EP400: variants seen among roughly 807,000 people sequenced by gnomAD.
The protein encoded by EP400 is E1A binding protein p400.
EP400 carries 105 observed loss-of-function variants against 354.1 expected under a neutral mutation model. The ratio of observed to expected loss-of-function variants is 0.30; its 90% confidence interval spans 0.25 to 0.35. EP400 has a LOEUF of 0.35. Ranked by LOEUF, EP400 falls within the 10% of genes least tolerant of loss-of-function variation. EP400 has a pLI of 1.00. For synonymous variants in EP400, 1,646 were observed against 1,716.9 expected, an observed-to-expected ratio of 0.96 and a Z score of 1.02; for missense variants, 3,280 against 4,121.0, an observed-to-expected ratio of 0.80 and a Z score of 5.59.
Position 132,055,476 on chromosome 12 carries a change from G to C in EP400, c.7884+268G>C, listed in dbSNP as rs536770181. ...TAGGGGTGTGTGTGTGTGTGTGTGA[G>C]GTGTAGGGGTGTGTGTGAGGTGTAG... On this transcript the variant is annotated intron_variant, in intron 45 of 52. Transcript: ENST00000389561. 7.9e-4 allele frequency among the ~76,000 whole-genome samples: 106 copies of C among 134,888 alleles called. No individual in the cohort carries two copies. The East Asian group carries it at 0.021, about 26-fold the overall frequency. The allele number at this position is 134,888 out of a possible 152,430, so 88.5% of individuals were successfully genotyped here.
chr12:132,054,178 G>A lies in EP400; in HGVS notation c.7728+581G>A, dbSNP rs1484088090. On this transcript the variant is annotated intron_variant, in intron 43 of 52. Coordinates refer to ENST00000389561, the MANE Select transcript of EP400 (RefSeq NM_015409.5). The surrounding 1 kb of genome is among the most constrained non-coding windows in gnomAD (Gnocchi z 4.0). ...CCACACAGACGCTGAAATCATATGC[G>A]CAGAATCACACCTGCAGAGAATAGG... Among the ~76,000 whole-genome samples, 5 of 152,210 alleles carry A rather than the reference G, an allele frequency of 3.3e-5. No individual in the cohort carries two copies. The highest frequency in any genetic ancestry group is 6.5e-5 in the Admixed American group (1 of 15,274).
chr12:131,961,476 C>T lies in EP400; in HGVS notation c.857C>T (p.Pro286Leu), dbSNP rs554140071. ...CAGCAGCAGCAGGTGCTGCAGGGGC[C>T]GCCGCTGCCCCGGCCCCTGGGCTTC... ...LVQQQQVLQG[P>L]PLPRPLGFER... The change falls in exon 2 of 53, where the codon CCG becomes CTG. Residue 286 changes from proline (P) to leucine (L), a missense_variant. This residue lies in a region of EP400 where 85 missense variants were observed against 180.3 expected (regional missense o/e 0.47). Transcript: ENST00000389561. The T allele has an allele frequency of 1.2e-5, 19 of 1,557,866 alleles. No homozygotes were observed. The highest frequency in any genetic ancestry group is 6.8e-5 in the African/African-American group (5 of 73,148).
intron 25 of EP400, among the ~76,000 whole-genome samples, chr12:132,026,639 C>A (rs1295911287): frequency 1.3e-5 from 2 of 152,196 alleles, no homozygotes; most frequent in Non-Finnish European, 2.9e-5. Context: ...CTGCTGCACC[C>A]TTCTTTGCGG....
intron 15 of EP400, 75 bp downstream of exon 15, chr12:132,006,952 T>C: frequency 6.5e-7 from 1 of 1,528,486 alleles, no homozygotes; most frequent in Admixed American, 1.9e-5. Flanking sequence ...TTGATGGGAG[T>C]GTGGGGACTT....
At chr12:132,002,827 C>A (rs1000748163) in intron 12 of EP400, among the ~76,000 whole-genome samples, 9 of 152,174 alleles carry the variant, frequency 5.9e-5, no homozygotes, top group African/African-American at 1.9e-4. Flanking sequence ...ATCCCATTGT[C>A]TTTATGGTGT....
At chr12:132,046,357 A>G (rs970664119) in intron 39 of EP400, among the ~76,000 whole-genome samples, 1 of 152,194 alleles carries the variant, frequency 6.6e-6, no homozygotes, top group African/African-American at 2.4e-5. Flanking sequence ...TCATATATAG[A>G]TAGACATTTT....
chr12:132,038,129 C>T lies in EP400; in HGVS notation c.6207+33C>T. 2 of 1,612,792 alleles carry T rather than the reference C, an allele frequency of 1.2e-6. No homozygotes were observed. Among genetic ancestry groups the T allele is most frequent in the Non-Finnish European group, 1.7e-6 (2 of 1,178,992 alleles). On this transcript the variant is annotated intron_variant, in intron 32 of 52. Coordinates refer to ENST00000389561, the MANE Select transcript of EP400 (RefSeq NM_015409.5). The surrounding 1 kb of genome is among the most constrained non-coding windows in gnomAD (Gnocchi z 4.2). ...TACATTGAATCTGGCTGAAGAGTTG[C>T]ACGGTGGGAGCCGGCGGAACACCTG...
intron 5 of EP400, 24 bp downstream of exon 5, chr12:131,982,502 A>G (rs750949445): frequency 1.3e-6 from 2 of 1,570,818 alleles, no homozygotes. Context: ...TAGAGGAAAA[A>G]AAGAAAATGG....
chr12:132,077,468 C>T lies in EP400; in HGVS notation c.9167C>T (p.Ala3056Val), dbSNP rs1383713463. The change falls in exon 53 of 53, where the codon GCA becomes GTA. Residue 3056 changes from alanine to valine, a missense_variant. By Grantham distance (64) the Ala-to-Val change is moderately conservative. Transcript: ENST00000389561. ...AAGQQVQMIP[A>V]VTATAQVVQQ... ...GGGCAGCAGGTGCAGATGATCCCTG[C>T]AGTGACCGCGACTGCCCAGGTGGTT... 1.9e-6 allele frequency: 3 copies of T among 1,613,458 alleles called. No individual in the cohort carries two copies. The highest frequency in any genetic ancestry group is 2.5e-6 in the Non-Finnish European group (3 of 1,180,012).
rs767712470 is a variant in EP400, at chr12:131,981,567, C to T, written c.1514C>T (p.Pro505Leu). The T allele has an allele frequency of 1.0e-5, 16 of 1,601,634 alleles. No homozygotes were observed. Among genetic ancestry groups the T allele is most frequent in the Non-Finnish European group, 1.3e-5 (15 of 1,174,518 alleles). Residue 505 changes from proline (P) to leucine (L), a missense_variant, in exon 4 of 53, where the codon CCT (proline) becomes CTT (leucine). Physicochemically the swap from Pro to Leu is moderately conservative, Grantham distance 98. Around this residue, in one of 20 missense-constraint regions of EP400, gnomAD observed 800 missense variants for 840.0 expected, o/e 0.95. Coordinates refer to ENST00000389561, the MANE Select transcript of EP400 (RefSeq NM_015409.5). ...FQHPGADAGV[P>L]LQQLMPTAQG... is the part of the protein sequence containing the mutation. ...CACCCAGGGGCGGACGCAGGCGTTC[C>T]TCTCCAGCAACTAATGCCGACCGCA... is the stretch of plus-strand genomic sequence containing the variant.
In EP400 at chr12:132,067,855, C is replaced by T. The variant is rs921728839; in HGVS notation, c.8874+369C>T. 6.6e-6 allele frequency among the ~76,000 whole-genome samples: 1 copy of T among 152,118 alleles called. No individual in the cohort carries two copies. Among genetic ancestry groups the T allele is most frequent in the Non-Finnish European group, 1.5e-5 (1 of 68,008 alleles). On this transcript the variant is annotated intron_variant, in intron 50 of 52. Transcript: ENST00000389561. The surrounding 1 kb of genome is among the most constrained non-coding windows in gnomAD (Gnocchi z 5.3). The stretch of plus-strand genomic sequence containing the variant: ...GACGCAGCTCACACCACAGGACCCG[C>T]CTGGACTCCTGCTGGAGGACAGGGA...
rs368839216 is a variant in EP400, at chr12:131,955,140, A to G, written c.-36+5104A>G. ...CTTTGCTATCCATTAGGATACCTGTACTATGTTTTTGAGAAGTGTTATTTT... is the reference window on the plus strand; with the variant it reads ...CTTTGCTATCCATTAGGATACCTGTGCTATGTTTTTGAGAAGTGTTATTTT... On this transcript the variant is annotated intron_variant, in intron 1 of 52. Coordinates refer to ENST00000389561, the MANE Select transcript of EP400 (RefSeq NM_015409.5). 1.1e-4 allele frequency among the ~76,000 whole-genome samples: 17 copies of G among 152,320 alleles called. No homozygotes were observed. The East Asian group carries it at 2.5e-3, about 22-fold the overall frequency.
intron 10 of EP400, among the ~76,000 whole-genome samples, chr12:131,991,725 C>T (rs143787284): frequency 0.034 from 5,182 of 151,750 alleles, 288 homozygotes; most frequent in African/African-American, 0.12. Context: ...GGACTATAGG[C>T]GCACGCCACC....
intron 51 of EP400, among the ~76,000 whole-genome samples, 186 bp downstream of exon 51, chr12:132,069,827 G>A (rs528970681): frequency 2.4e-4 from 36 of 152,272 alleles, no homozygotes; most frequent in African/African-American, 8.7e-4. Flanking sequence ...CCTCTCTGCC[G>A]GGGCCTGTTC....
chr12:132,077,010 C>T (rs1205591942), intron 52 of EP400, among the ~76,000 whole-genome samples: 1 of 152,284 alleles, frequency 6.6e-6, no homozygotes, highest in Non-Finnish European at 1.5e-5. Flanking sequence ...ACTGATGCTC[C>T]ACAATATGAC....
At position 132,029,758 on chromosome 12, in the gene EP400, G is replaced by A. The variant is rs753800330; in HGVS notation, c.5439G>A (p.Arg1813=). 7.4e-6 allele frequency: 12 copies of A among 1,613,302 alleles called. No homozygotes were observed. Among genetic ancestry groups the A allele is most frequent in the Non-Finnish European group, 1.0e-5 (12 of 1,180,000 alleles). Residue 1813 remains arginine, a synonymous_variant, in exon 28 of 53, where the codon CGG becomes CGA. Coordinates refer to ENST00000389561, the MANE Select transcript of EP400 (RefSeq NM_015409.5). This position sits in a 1 kb window ranked among gnomAD's most constrained non-coding sequence, Gnocchi z 4.7. ...VAAPPSLRVP[R]PPPLYSHRMR... ...CACCCCCGTCCCTACGGGTGCCGCGGCCGCCACCCCTGTACAGCCACAGAA... is the reference window on the plus strand; with the variant it reads ...CACCCCCGTCCCTACGGGTGCCGCGACCGCCACCCCTGTACAGCCACAGAA...
At position 131,949,964 on chromosome 12, in the gene EP400, A is replaced by C. The variant is rs1446356825; in HGVS notation, c.-108A>C. The C allele has an allele frequency of 6.6e-6, 1 of 151,786 alleles. No homozygotes were observed. The highest frequency in any genetic ancestry group is 2.4e-5 in the African/African-American group (1 of 41,396). The allele number at this position is 151,786 out of a possible 1,614,324, so 9.4% of individuals were successfully genotyped here. A position where few individuals can be genotyped will look rare whatever the true frequency, so the allele number is the denominator to read the frequency against. ...TTCCTCCCGCCGGGGCCCCGGATGC[A>C]CTGAGCGGCTGCGGCGCGGCTTCCA... On this transcript the variant is annotated 5_prime_UTR_variant, in exon 1 of 53. Transcript: ENST00000389561.
rs763299219 is a variant in EP400, at chr12:132,066,828, C to T, written c.8608C>T (p.Pro2870Ser). The change falls in exon 49 of 53, where the codon CCC (proline) becomes TCC (serine). Residue 2870 changes from proline to serine, a missense_variant. Coordinates refer to ENST00000389561, the MANE Select transcript of EP400 (RefSeq NM_015409.5). ...QAQGQMQTQA[P>S]QPAQVALAKP... ...GCAAGGGCAGATGCAGACCCAGGCA[C>T]CCCAGCCAGCCCAGGTGGCCTTGGC... 1.9e-6 allele frequency: 3 copies of T among 1,613,908 alleles called. No individual in the cohort carries two copies. The highest frequency in any genetic ancestry group is 2.7e-5 in the African/African-American group (2 of 74,914).
intron 2 of EP400, among the ~76,000 whole-genome samples, chr12:131,965,768 C>A (rs937837896): frequency 6.6e-6 from 1 of 152,174 alleles, no homozygotes; most frequent in African/African-American, 2.4e-5. Context: ...ATTTCAGATT[C>A]ATCTACTTTG....
Sources: allele counts gnomAD v4.1 joint callset (sites outside exome capture counted in the v4.1 genomes callset), GRCh38; gene constraint gnomAD v4.1.1; regional missense constraint gnomAD v4.1.1; non-coding constraint Gnocchi (gnomAD v3.1); transcripts MANE v1.5; gene names NCBI Gene and HGNC (gene_info 2026-07-23, HGNC 2026-07-21).